Variants in KCNB2 observed in about 807,000 individuals in gnomAD.
The protein encoded by KCNB2 is potassium voltage-gated channel subfamily B member 2.
In KCNB2, 15 loss-of-function variants were observed where a neutral mutation model predicts 61.5. That is an observed-to-expected ratio of 0.24 (90% CI 0.16 to 0.38). The LOEUF (loss-of-function observed/expected upper bound fraction) is 0.38. Ranked by LOEUF, KCNB2 falls within the 10% of genes least tolerant of loss-of-function variation. The probability of loss-of-function intolerance (pLI) is 1.00; values close to 1 mark genes in which losing one functional copy is unlikely to be tolerated. For missense variants in KCNB2, 828 were observed against 1,125.2 expected (o/e 0.74, Z 3.78); for synonymous variants, 457 against 446.0 (o/e 1.02, Z -0.31).
intron 2 of KCNB2, among the ~76,000 whole-genome samples, chr8:72,834,824 T>C (rs955499036): frequency 4.6e-5 from 7 of 152,206 alleles, no homozygotes; most frequent in African/African-American, 1.7e-4. Context: ...CCAATCACCA[T>C]CTTTGAGTAT....
chr8:72,619,504 G>A, intron 2 of KCNB2: 1 of 197,160 alleles, frequency 5.1e-6, no homozygotes, highest in Non-Finnish European at 1.0e-5. Flanking sequence ...TTTTGAGTAT[G>A]GGTATGAGGT....
chr8:72,650,950 A>C (rs574897581), intron 2 of KCNB2, among the ~76,000 whole-genome samples: 1 of 152,162 alleles, frequency 6.6e-6, no homozygotes, highest in Admixed American at 6.5e-5. Context: ...AGACGAATAC[A>C]TTTGGAAACC....
At chr8:72,549,076 C>T (rs1806305707) in intron 1 of KCNB2, among the ~76,000 whole-genome samples, 1 of 152,170 alleles carries the variant, frequency 6.6e-6, no homozygotes, top group African/African-American at 2.4e-5. Context: ...TAATACTTTG[C>T]TACAGGCAGT....
At chr8:72,556,143 C>T (rs539439916) in intron 1 of KCNB2, among the ~76,000 whole-genome samples, 1 of 152,200 alleles carries the variant, frequency 6.6e-6, no homozygotes, top group South Asian at 2.1e-4. Flanking sequence ...CTAATTTTTA[C>T]ATTTTTATTT....
chr8:72,934,406 A>AAAG (rs1191617480), intron 2 of KCNB2, among the ~76,000 whole-genome samples: 2 of 151,540 alleles, frequency 1.3e-5, no homozygotes, highest in African/African-American at 4.8e-5. Context: ...AAAAAAAAAA[A>AAAG]AAAAAAAAGT....
intron 2 of KCNB2, among the ~76,000 whole-genome samples, chr8:72,654,589 AATG>A (rs1205520023): frequency 9.9e-5 from 15 of 152,182 alleles, no homozygotes; most frequent in Non-Finnish European, 1.5e-5. Flanking sequence ...TAAACAATAA[AATG>A]ATAGGTACAT....
At chr8:72,540,605 A>G (rs1386957831) in intron 1 of KCNB2, among the ~76,000 whole-genome samples, 13 of 152,074 alleles carry the variant, frequency 8.5e-5, no homozygotes, top group Admixed American at 7.9e-4. Context: ...TAGATTTTTT[A>G]GTCACATTCT....
At chr8:72,832,009 T>A (rs2129001926) in intron 2 of KCNB2, among the ~76,000 whole-genome samples, 1 of 152,320 alleles carries the variant, frequency 6.6e-6, no homozygotes, top group African/African-American at 2.4e-5. Context: ...GGAAAAAGAA[T>A]TGGGGAAATC....
intron 2 of KCNB2, among the ~76,000 whole-genome samples, chr8:72,666,636 A>G (rs532466619): frequency 1.4e-5 from 2 of 138,152 alleles, no homozygotes; most frequent in Non-Finnish European, 3.0e-5. Context: ...AGTGACCTTC[A>G]AATAAAAAAT....
intron 2 of KCNB2, among the ~76,000 whole-genome samples, chr8:72,797,712 G>T (rs183803222): frequency 6.6e-6 from 1 of 152,168 alleles, no homozygotes; most frequent in African/African-American, 2.4e-5. Flanking sequence ...TATCCACATC[G>T]CTTACAGGGA....
At chr8:72,581,537 G>T (rs1806897003) in intron 2 of KCNB2, among the ~76,000 whole-genome samples, 1 of 152,218 alleles carries the variant, frequency 6.6e-6, no homozygotes, top group South Asian at 2.1e-4. Flanking sequence ...ATGTTTCACA[G>T]TATTCCTATT....
chr8:72,583,811 A>T (rs1434094758), intron 2 of KCNB2, among the ~76,000 whole-genome samples: 1 of 151,994 alleles, frequency 6.6e-6, no homozygotes, highest in East Asian at 1.9e-4. Context: ...CATCTAAAAT[A>T]TTTTTACATT....
intron 2 of KCNB2, among the ~76,000 whole-genome samples, chr8:72,859,503 G>C (rs1017309255): frequency 4.0e-5 from 6 of 151,238 alleles, no homozygotes; most frequent in African/African-American, 1.5e-4. Flanking sequence ...GTATCCCTTA[G>C]CCATCACCTT....
chr8:72,759,230 C>T (rs1808339687), intron 2 of KCNB2, among the ~76,000 whole-genome samples: 1 of 152,128 alleles, frequency 6.6e-6, no homozygotes, highest in African/African-American at 2.4e-5. Flanking sequence ...GTTCTTGGCT[C>T]ATTTATTCTA....
chr8:72,816,652 G>A (rs1184517515), intron 2 of KCNB2, among the ~76,000 whole-genome samples: 1 of 152,124 alleles, frequency 6.6e-6, no homozygotes, highest in Non-Finnish European at 1.5e-5. Context: ...TTTCCTTAAA[G>A]AATGCCCTAC....
rs1408655318 is a variant in KCNB2, at chr8:72,839,144, CA to C, written c.580-96788del. On this transcript the variant is annotated intron_variant, in intron 2 of 2. Transcript: ENST00000523207. ...CAATTTCTTCTGCTTTTCTCATTACCAAACGTATACCTTTTCTAGTTAAATC... is the reference window on the plus strand; with the variant it reads ...CAATTTCTTCTGCTTTTCTCATTACCAACGTATACCTTTTCTAGTTAAATC... Among the ~76,000 whole-genome samples, 6 of 152,198 alleles carry C rather than the reference CA, an allele frequency of 3.9e-5. 1 individual carries two copies. The highest frequency in any genetic ancestry group is 3.9e-4 in the Admixed American group (6 of 15,282).
intron 2 of KCNB2, among the ~76,000 whole-genome samples, chr8:72,834,996 A>G (rs1195155024): frequency 6.6e-6 from 1 of 152,182 alleles, no homozygotes; most frequent in Non-Finnish European, 1.5e-5. Flanking sequence ...CCTTTAGTGA[A>G]TATTCCTCTA....
chr8:72,850,344 C>T (rs180735982), intron 2 of KCNB2, among the ~76,000 whole-genome samples: 183 of 152,048 alleles, frequency 1.2e-3, no homozygotes, highest in African/African-American at 3.7e-3. Flanking sequence ...ATCAGCATCC[C>T]GAGTAACTGG....
intron 2 of KCNB2, among the ~76,000 whole-genome samples, chr8:72,871,645 CAAT>C (rs1423079739): frequency 1.3e-5 from 2 of 152,188 alleles, no homozygotes; most frequent in African/African-American, 4.8e-5. Context: ...ACCAATCTTA[CAAT>C]AATATCTCTT....
Sources: allele counts gnomAD v4.1 joint callset (sites outside exome capture counted in the v4.1 genomes callset), GRCh38; gene constraint gnomAD v4.1.1; transcripts MANE v1.5; gene names NCBI Gene and HGNC (gene_info 2026-07-23, HGNC 2026-07-21).